Variants in LOC128092253 observed in about 807,000 individuals in gnomAD.
At chr6:133,959,468 T>C in the LOC128092253 span, among the ~76,000 whole-genome samples, 1 of 152,068 alleles carries the variant, frequency 6.6e-6, no homozygotes, top group East Asian at 1.9e-4. Flanking sequence ...TCTAGTGTTC[T>C]TTCTTTCTTT....
At chr6:133,961,929 A>G in the LOC128092253 span, among the ~76,000 whole-genome samples, 1 of 152,086 alleles carries the variant, frequency 6.6e-6, no homozygotes, top group African/African-American at 2.4e-5. Context: ...TACAACTGCC[A>G]TGAGAGTTGC....
the LOC128092253 span, among the ~76,000 whole-genome samples, chr6:133,974,697 A>G: frequency 1.3e-5 from 2 of 152,238 alleles, no homozygotes; most frequent in African/African-American, 4.8e-5. Flanking sequence ...AATTATCTGA[A>G]TACACACAGC....
the LOC128092253 span, among the ~76,000 whole-genome samples, chr6:133,979,629 T>G: frequency 1.3e-5 from 2 of 152,098 alleles, no homozygotes; most frequent in Non-Finnish European, 2.9e-5. Context: ...ACATTTTTAG[T>G]GGGGAAAAGA....
the LOC128092253 span, among the ~76,000 whole-genome samples, chr6:133,972,083 C>T: frequency 6.6e-6 from 1 of 152,122 alleles, no homozygotes; most frequent in Non-Finnish European, 1.5e-5. Context: ...GGCAAGATTC[C>T]AGACATCAAG....
chr6:133,964,748 G>A, the LOC128092253 span, among the ~76,000 whole-genome samples: 4 of 152,134 alleles, frequency 2.6e-5, no homozygotes, highest in East Asian at 1.9e-4. Flanking sequence ...ATGCCCGGCC[G>A]AACTCTGTTT....
At chr6:133,966,785 G>A in the LOC128092253 span, among the ~76,000 whole-genome samples, 2 of 149,466 alleles carry the variant, frequency 1.3e-5, no homozygotes, top group East Asian at 1.9e-4. Context: ...TCTTAAAACT[G>A]CCTGTCTTGT....
the LOC128092253 span, among the ~76,000 whole-genome samples, chr6:133,963,293 T>C: frequency 6.6e-5 from 10 of 152,220 alleles, no homozygotes; most frequent in Non-Finnish European, 7.4e-5. Context: ...CCAGTCGTTC[T>C]CAACTGACTA....
chr6:133,975,478 T>C, the LOC128092253 span, among the ~76,000 whole-genome samples: 1 of 152,152 alleles, frequency 6.6e-6, no homozygotes, highest in Non-Finnish European at 1.5e-5. Flanking sequence ...CAGATAATCT[T>C]CAGGTAACGT....
chr6:133,966,601 T>C, the LOC128092253 span, among the ~76,000 whole-genome samples: 135 of 152,334 alleles, frequency 8.9e-4, no homozygotes, highest in African/African-American at 3.0e-3. Flanking sequence ...CAGTTCAAAA[T>C]GTCCAAAACC....
chr6:133,975,025 T>A, the LOC128092253 span, among the ~76,000 whole-genome samples: 1 of 152,192 alleles, frequency 6.6e-6, no homozygotes, highest in Non-Finnish European at 1.5e-5. Context: ...GTATTAAGTA[T>A]TCAACTTAAA....
At chr6:133,969,834 A>G in the LOC128092253 span, among the ~76,000 whole-genome samples, 1 of 152,242 alleles carries the variant, frequency 6.6e-6, no homozygotes, top group South Asian at 2.1e-4. Flanking sequence ...TTCAGAATTG[A>G]TGATAATTTA....
chr6:133,969,464 A>G, the LOC128092253 span, among the ~76,000 whole-genome samples: 1,169 of 152,272 alleles, frequency 7.7e-3, 16 homozygotes, highest in South Asian at 0.042. Context: ...GTAGGTAGTC[A>G]TATGTAATGA....
chr6:133,966,208 G>A, the LOC128092253 span, among the ~76,000 whole-genome samples: 4 of 152,142 alleles, frequency 2.6e-5, no homozygotes, highest in Non-Finnish European at 4.4e-5. Context: ...TGTGTATGGC[G>A]CATTGGGAAC....
At chr6:133,969,465 T>G in the LOC128092253 span, among the ~76,000 whole-genome samples, 1 of 152,196 alleles carries the variant, frequency 6.6e-6, no homozygotes, top group African/African-American at 2.4e-5. Context: ...TAGGTAGTCA[T>G]ATGTAATGAA....
chr6:133,975,382 TAAAG>T, the LOC128092253 span, among the ~76,000 whole-genome samples: 11,915 of 152,140 alleles, frequency 0.078, 444 homozygotes, highest in Non-Finnish European at 0.085. Context: ...TTAAAACTCT[TAAAG>T]AAATTGAATT....
chr6:133,961,182 C>A, the LOC128092253 span, among the ~76,000 whole-genome samples: 15 of 152,286 alleles, frequency 9.8e-5, no homozygotes, highest in African/African-American at 3.1e-4. Context: ...CTGCCCCCAA[C>A]CCCACAAACC....
At chr6:133,961,465 CTTTTTT>C in the LOC128092253 span, among the ~76,000 whole-genome samples, 1 of 100,208 alleles carries the variant, frequency 1.0e-5, no homozygotes, top group Non-Finnish European at 2.0e-5. Context: ...TTCTTTCTTT[CTTTTTT>C]TTTTTTTTTT....
At chr6:133,954,749 C>G in the LOC128092253 span, among the ~76,000 whole-genome samples, 13 of 152,218 alleles carry the variant, frequency 8.5e-5, no homozygotes. Context: ...TTAAACCTGA[C>G]TTCTCCTAAG....
the LOC128092253 span, chr6:133,980,020 A>G: frequency 8.3e-7 from 1 of 1,205,624 alleles, no homozygotes; most frequent in Admixed American, 3.2e-5. Flanking sequence ...TCAATTTCAA[A>G]ATTGTGAAAA....
Sources: gnomAD v4.1 joint callset for allele counts (sites outside exome capture counted in the v4.1 genomes callset) on GRCh38, gnomAD v4.1.1 for gene constraint, MANE v1.5 for transcripts.